CFAP54: variants seen among roughly 807,000 people sequenced by gnomAD.
The protein encoded by CFAP54 is cilia- and flagella-associated protein 54.
CFAP54 carries 290 observed loss-of-function variants against 370.4 expected under a neutral mutation model. That is an observed-to-expected ratio of 0.78 (90% CI 0.71 to 0.86). The LOEUF (loss-of-function observed/expected upper bound fraction) is 0.86. CFAP54 is among the 40% of genes least tolerant of loss of function. The pLI, the probability that CFAP54 is intolerant of heterozygous loss-of-function variation, is 0.00. For synonymous variants in CFAP54, 1,206 were observed against 1,236.5 expected (o/e 0.98, Z 0.52); for missense variants, 3,399 against 3,528.7 (o/e 0.96, Z 0.93).
chr12:96,489,882 T>C lies in CFAP54; in HGVS notation c.273T>C (p.Ala91=), dbSNP rs930905680. Residue 91 remains alanine (A), a synonymous_variant, in exon 1 of 68, where the codon GCT becomes GCC. Transcript: ENST00000524981. ...ELLGFMRKKK[A]LATTEEEKHE... is the part of the protein sequence containing the mutation. ...TAGGCTTTATGAGGAAAAAGAAGGC[T>C]TTAGCCACCACGGAGGAAGAGAAGC... is the stretch of plus-strand genomic sequence containing the variant. The C allele has an allele frequency of 3.3e-6, 5 of 1,535,136 alleles. No homozygotes were observed. The African/African-American group carries it at 6.9e-5, about 21-fold the overall frequency.
intron 62 of CFAP54, among the ~76,000 whole-genome samples, chr12:96,787,191 A>C (rs1958638049): frequency 6.6e-6 from 1 of 152,238 alleles, no homozygotes; most frequent in Admixed American, 6.5e-5. Flanking sequence ...TTTGCCAAAA[A>C]GTTACACAGA....
intron 63 of CFAP54, among the ~76,000 whole-genome samples, chr12:96,792,856 TA>T (rs1304994221): frequency 1.4e-4 from 22 of 152,048 alleles, no homozygotes; most frequent in Admixed American, 5.9e-4. Flanking sequence ...CTATTAAGAT[TA>T]TTTTTATAAT....
chr12:96,781,052 A>G (rs1958575494), intron 60 of CFAP54, among the ~76,000 whole-genome samples: 1 of 152,132 alleles, frequency 6.6e-6, no homozygotes, highest in Admixed American at 6.6e-5. Context: ...ATGTAGAAAA[A>G]AGAAAGGAAA....
intron 45 of CFAP54, among the ~76,000 whole-genome samples, chr12:96,698,503 T>A (rs559736931): frequency 3.7e-4 from 57 of 152,260 alleles, no homozygotes; most frequent in African/African-American, 1.3e-3. Context: ...TAAAAAAGAA[T>A]GAGATCATGT....
chr12:96,819,393 G>T (rs190333110), intron 65 of CFAP54, among the ~76,000 whole-genome samples: 1 of 152,290 alleles, frequency 6.6e-6, no homozygotes, highest in Admixed American at 6.5e-5. Context: ...TTTATATGCT[G>T]TACCAACAAT....
rs1405290300 is a variant in CFAP54 at position 96,500,951 on chromosome 12, T to C, written c.423+12T>C. On this transcript the variant is annotated intron_variant, in intron 2 of 67. Coordinates refer to ENST00000524981, the MANE Select transcript of CFAP54 (RefSeq NM_001306084.2). ...TTTGTCAAATGAAAGTAAGTGCCTC[T>C]GCAGGAAAGAGCCAAAAAGAAGTTC... is the stretch of plus-strand genomic sequence containing the variant. 2.0e-6 allele frequency: 3 copies of C among 1,492,816 alleles called. No individual in the cohort carries two copies. Among genetic ancestry groups the C allele is most frequent in the East Asian group, 4.9e-5 (2 of 40,696 alleles). 92.5% of individuals were successfully genotyped at this position (1,492,816 alleles called of 1,614,324 possible). A position where few individuals can be genotyped will look rare whatever the true frequency, so the allele number is the denominator to read the frequency against.
At chr12:96,658,906 GAA>G (rs1470653059) in intron 38 of CFAP54, among the ~76,000 whole-genome samples, 1 of 152,184 alleles carries the variant, frequency 6.6e-6, no homozygotes, top group African/African-American at 2.4e-5. Context: ...TGGAGGGGAA[GAA>G]ATAAATTCAG....
Position 96,765,204 on chromosome 12 carries a change from C to T in CFAP54, c.8267C>T (p.Thr2756Ile), listed in dbSNP as rs760874657. The T allele has an allele frequency of 2.6e-6, 4 of 1,519,030 alleles. No homozygotes were observed. Among genetic ancestry groups the T allele is most frequent in the African/African-American group, 2.7e-5 (2 of 74,030 alleles). 94.1% of individuals were successfully genotyped at this position (1,519,030 alleles called of 1,614,324 possible). The change falls in exon 60 of 68, where the codon ACA becomes ATA. Residue 2756 changes from threonine to isoleucine, a missense_variant. Physicochemically the swap from Thr to Ile is moderately conservative, Grantham distance 89 (BLOSUM62 -1). This residue lies in a region of CFAP54 where 2,796 missense variants were observed against 2,869.7 expected (regional missense o/e 0.97). Coordinates refer to ENST00000524981, the MANE Select transcript of CFAP54 (RefSeq NM_001306084.2). ...FAALDLLSSY[T>I]DYLLDNYQVL... is the part of the protein sequence containing the mutation. ...GCTCTGGATCTTTTGTCTTCGTATA[C>T]AGATTATTTGCTTGGTATGTTTGGA... is the stretch of plus-strand genomic sequence containing the variant.
At position 96,765,152 on chromosome 12, in the gene CFAP54, G is replaced by A. The variant is rs537408379; in HGVS notation, c.8215G>A (p.Ala2739Thr). 2.6e-6 allele frequency: 4 copies of A among 1,541,666 alleles called. No individual in the cohort carries two copies. The highest frequency in any genetic ancestry group is 2.7e-6 in the Non-Finnish European group (3 of 1,131,044). The stretch of plus-strand genomic sequence containing the variant: ...TAGAATGCATAAAGTTAACCAAGTG[G>A]CATTACCAAATATCCCAGAATTTGC... ...NTRMHKVNQV[A>T]LPNIPEFAAL... The change falls in exon 60 of 68, where the codon GCA (alanine) becomes ACA (threonine). Residue 2739 changes from alanine (A) to threonine (T), a missense_variant. This residue lies in a region of CFAP54 where 2,796 missense variants were observed against 2,869.7 expected (regional missense o/e 0.97). Coordinates refer to ENST00000524981, the MANE Select transcript of CFAP54 (RefSeq NM_001306084.2).
At chr12:96,732,061 G>A (rs1957926895) in intron 50 of CFAP54, among the ~76,000 whole-genome samples, 1 of 152,046 alleles carries the variant, frequency 6.6e-6, no homozygotes, top group Non-Finnish European at 1.5e-5. Flanking sequence ...GAAAGACTGA[G>A]TGTAGAAAAA....
chr12:96,826,948 A>G lies in CFAP54; in HGVS notation c.9097-2066A>G, dbSNP rs532207200. ...TATATATAATATGCAATTATGTATG[A>G]TTATATATAATATGCAATTATATAT... On this transcript the variant is annotated intron_variant, in intron 65 of 67. Transcript: ENST00000524981. 1.6e-4 allele frequency among the ~76,000 whole-genome samples: 20 copies of G among 128,602 alleles called. No individual in the cohort carries two copies. In the South Asian group the frequency reaches 4.5e-3, roughly 29 times the overall value. The allele number at this position is 128,602 out of a possible 152,430, so 84.4% of individuals were successfully genotyped here. A position where few individuals can be genotyped will look rare whatever the true frequency, so the allele number is the denominator to read the frequency against.
At chr12:96,566,640 A>C (rs911129022) in intron 19 of CFAP54, among the ~76,000 whole-genome samples, 2 of 152,200 alleles carry the variant, frequency 1.3e-5, no homozygotes, top group Non-Finnish European at 1.5e-5. Flanking sequence ...AGGTCAGGTC[A>C]AGGACCAGAA....
intron 55 of CFAP54, among the ~76,000 whole-genome samples, chr12:96,746,710 T>C (rs2136647704): frequency 6.6e-6 from 1 of 152,270 alleles, no homozygotes; most frequent in East Asian, 1.9e-4. Flanking sequence ...AACCCTCTGG[T>C]CACACTGCAT....
intron 25 of CFAP54, among the ~76,000 whole-genome samples, chr12:96,598,184 T>A (rs997544975): frequency 6.6e-6 from 1 of 151,990 alleles, no homozygotes; most frequent in African/African-American, 2.4e-5. Context: ...CCAATATTAG[T>A]TGATTTCCTG....
Position 96,720,280 on chromosome 12 carries a change from C to G in CFAP54, c.6805-125C>G, listed in dbSNP as rs576452802. ...ACTCTCTTCTCTGGTAATTAGATAC[C>G]AAGTTCCTTTTTGGTCTTCCATTCA... On this transcript the variant is annotated intron_variant, in intron 49 of 67. Coordinates refer to ENST00000524981, the MANE Select transcript of CFAP54 (RefSeq NM_001306084.2). 3 of 810,496 alleles carry G rather than the reference C, an allele frequency of 3.7e-6. No homozygotes were observed. The East Asian group carries it at 9.9e-5, about 27-fold the overall frequency. 50.2% of individuals were successfully genotyped at this position (810,496 alleles called of 1,614,324 possible). A position where few individuals can be genotyped will look rare whatever the true frequency, so the allele number is the denominator to read the frequency against.
In CFAP54 at chr12:96,729,681, C is replaced by T. The variant is rs183121801; in HGVS notation, c.6965+9116C>T. Among the ~76,000 whole-genome samples the T allele has an allele frequency of 6.7e-3, 1,028 of 152,320 alleles. 12 individuals carry two copies. Among genetic ancestry groups the T allele is most frequent in the African/African-American group, 0.022 (907 of 41,584 alleles). ...TCACCCTGCTTCAGCTCGCGCACGG[C>T]GCGCTGCACCCACTGTCCTGCGCCC... On this transcript the variant is annotated intron_variant, in intron 50 of 67. Transcript: ENST00000524981.
At position 96,786,659 on chromosome 12, in the gene CFAP54, A is replaced by G; in HGVS notation, c.8456-16A>G. 1 of 1,496,078 alleles carries G rather than the reference A, an allele frequency of 6.7e-7. No homozygotes were observed. 92.7% of individuals were successfully genotyped at this position (1,496,078 alleles called of 1,614,324 possible). ...TTCTAATATGAACCTAAACTAAGGT[A>G]TTTTTCTTTCTTAAGCATCTGCAAC... On this transcript the variant is annotated splice_polypyrimidine_tract_variant and intron_variant, in intron 61 of 67. Coordinates refer to ENST00000524981, the MANE Select transcript of CFAP54 (RefSeq NM_001306084.2).
chr12:96,562,581 C>G (rs1955827430), intron 17 of CFAP54, among the ~76,000 whole-genome samples: 1 of 151,874 alleles, frequency 6.6e-6, no homozygotes, highest in Non-Finnish European at 1.5e-5. Flanking sequence ...CATGTGCCAC[C>G]ACACCTGGCT....
At chr12:96,825,826 A>G (rs1421674162) in intron 65 of CFAP54, among the ~76,000 whole-genome samples, 1 of 133,200 alleles carries the variant, frequency 7.5e-6, no homozygotes, top group Admixed American at 8.1e-5. Context: ...AAATATATAA[A>G]TTAGTATATA....
Sources: allele counts gnomAD v4.1 joint callset (sites outside exome capture counted in the v4.1 genomes callset), GRCh38; gene constraint gnomAD v4.1.1; regional missense constraint gnomAD v4.1.1; transcripts MANE v1.5; gene names NCBI Gene and HGNC (gene_info 2026-07-23, HGNC 2026-07-21).